Variants in ZNF821 observed in about 807,000 individuals in gnomAD.
ZNF821 encodes zinc finger protein 821.
ZNF821 carries 16 observed loss-of-function variants against 44.3 expected under a neutral mutation model. The observed-to-expected ratio is 0.36, with a 90% CI of 0.24 to 0.55. ZNF821 has a LOEUF of 0.55. Among genes scored for constraint, ZNF821 ranks in the 20% least tolerant of loss-of-function variants. The probability of loss-of-function intolerance (pLI) is 0.86; values close to 1 mark genes in which losing one functional copy is unlikely to be tolerated. For missense variants in ZNF821, 436 were observed against 547.6 expected (o/e 0.80, Z 2.03); for synonymous variants, 204 against 197.6 (o/e 1.03, Z -0.27).
chr16:71,861,877 G>A lies in ZNF821; in HGVS notation c.483C>T (p.Ser161=). The change falls in exon 7 of 8, where the codon TCC becomes TCT. Residue 161 remains serine, a synonymous_variant. Coordinates refer to ENST00000425432, the MANE Select transcript of ZNF821 (RefSeq NM_001201552.2). ...AGAGGTGGCGACCCAATGACCCCGGGGAGCTAAGGGCCCGGCCACAGACAG... is the reference window on the plus strand; with the variant it reads ...AGAGGTGGCGACCCAATGACCCCGGAGAGCTAAGGGCCCGGCCACAGACAG... ...MCPVCGRALS[S]PGSLGRHLLI... The A allele has an allele frequency of 6.2e-7, 1 of 1,614,164 alleles. No individual in the cohort carries two copies. Among genetic ancestry groups the A allele is most frequent in the Non-Finnish European group, 8.5e-7 (1 of 1,180,040 alleles).
intron 6 of ZNF821, among the ~76,000 whole-genome samples, chr16:71,863,300 A>G (rs547442414): frequency 6.6e-6 from 1 of 152,106 alleles, no homozygotes; most frequent in East Asian, 1.9e-4. Flanking sequence ...TAGAAAAAAA[A>G]TCACTTAATT....
At chr16:71,873,520 AG>A (rs2035455946) in intron 3 of ZNF821, among the ~76,000 whole-genome samples, 1 of 152,222 alleles carries the variant, frequency 6.6e-6, no homozygotes, top group African/African-American at 2.4e-5. Flanking sequence ...TTCTGAGGAA[AG>A]GATCATGCCA....
chr16:71,864,778 G>A, intron 5 of ZNF821, 125 bp downstream of exon 5: 1 of 1,183,264 alleles, frequency 8.5e-7, no homozygotes, highest in Non-Finnish European at 1.2e-6. Flanking sequence ...CATGAAGGAA[G>A]AGGCCTCCCA....
In ZNF821 at chr16:71,860,715, A is replaced by G; in HGVS notation, c.585-43T>C. 1 of 1,581,968 alleles carries G rather than the reference A, an allele frequency of 6.3e-7. No homozygotes were observed. On this transcript the variant is annotated intron_variant, in intron 7 of 7. Coordinates refer to ENST00000425432, the MANE Select transcript of ZNF821 (RefSeq NM_001201552.2). The surrounding 1 kb of genome is among the most constrained non-coding windows in gnomAD (Gnocchi z 7.3). ...TGGATGGTTAGTGTTTCCTTCTAGCAAGAGTCGGGACTCCAGCCCTGCCTT... is the reference window on the plus strand; with the variant it reads ...TGGATGGTTAGTGTTTCCTTCTAGCGAGAGTCGGGACTCCAGCCCTGCCTT...
chr16:71,888,208 A>G (rs754337578), upstream of ZNF821, among the ~76,000 whole-genome samples: 3 of 152,170 alleles, frequency 2.0e-5, no homozygotes, highest in Non-Finnish European at 4.4e-5. Context: ...TGGTATCCCA[A>G]ATAAAAATAA....
At chr16:71,872,127 G>A (rs140620859) in intron 3 of ZNF821, among the ~76,000 whole-genome samples, 1,618 of 151,340 alleles carry the variant, frequency 0.011, 26 homozygotes, top group African/African-American at 0.037. Flanking sequence ...CACTGCGCCC[G>A]GCCTGGTTAA....
chr16:71,861,408 C>G (rs1179278645), intron 7 of ZNF821, among the ~76,000 whole-genome samples: 1 of 152,208 alleles, frequency 6.6e-6, no homozygotes, highest in Non-Finnish European at 1.5e-5. Context: ...CTGCACTGTA[C>G]ACTAGACAAA....
At chr16:71,863,688 C>T (rs897168578) in intron 6 of ZNF821, among the ~76,000 whole-genome samples, 2 of 152,034 alleles carry the variant, frequency 1.3e-5, no homozygotes, top group Non-Finnish European at 2.9e-5. Context: ...CCACACCTGG[C>T]TTTGGGCTGA....
At chr16:71,864,328 A>G in intron 5 of ZNF821, 86 bp from the exon 6 acceptor site, 9 of 1,166,682 alleles carry the variant, frequency 7.7e-6, no homozygotes, top group Non-Finnish European at 1.2e-5. Flanking sequence ...ATCCTGTTAA[A>G]AGGAACCCAG....
intron 1 of ZNF821, among the ~76,000 whole-genome samples, chr16:71,892,725 C>T (rs954806538): frequency 6.8e-6 from 1 of 147,962 alleles, no homozygotes; most frequent in Non-Finnish European, 1.5e-5. Context: ...GCACGAGCCA[C>T]AAACCAGGCT....
chr16:71,860,837 C>T lies in ZNF821; in HGVS notation c.585-165G>A, dbSNP rs1199192213. 2.7e-5 allele frequency among the ~76,000 whole-genome samples: 4 copies of T among 148,892 alleles called. No individual in the cohort carries two copies. Among genetic ancestry groups the T allele is most frequent in the African/African-American group, 9.8e-5 (4 of 40,862 alleles). On this transcript the variant is annotated intron_variant, in intron 7 of 7. Transcript: ENST00000425432. The surrounding 1 kb of genome is among the most constrained non-coding windows in gnomAD (Gnocchi z 7.3). ...TCTGCTGCTCCATCCCTTCTCTTCG[C>T]GTGAGAGTTGTCTACCAACTTTTTT... is the stretch of plus-strand genomic sequence containing the variant.
chr16:71,880,121 A>G, intron 2 of ZNF821, 98 bp from the exon 3 acceptor site: 1 of 520,990 alleles, frequency 1.9e-6, no homozygotes, highest in East Asian at 3.1e-5. Flanking sequence ...TCCTGAGCAT[A>G]TAAAACTCAC....
chr16:71,874,580 A>G (rs1368612862), intron 3 of ZNF821, among the ~76,000 whole-genome samples: 2 of 151,928 alleles, frequency 1.3e-5, no homozygotes, highest in Non-Finnish European at 2.9e-5. Context: ...CAGCCCCCCA[A>G]GTAGCTAGGA....
Position 71,883,193 on chromosome 16 carries a change from AAG to A in ZNF821, c.-78+16_-78+17del, listed in dbSNP as rs764871123. On this transcript the variant is annotated intron_variant, in intron 2 of 7. Coordinates refer to ENST00000425432, the MANE Select transcript of ZNF821 (RefSeq NM_001201552.2). Reference sequence around the variant, plus strand: ...ACGAGTGAAATCTCAGCTTGATGAAAAGAGAGTGCGTTCCCACCTCCAGCTCT... The same window carrying A: ...ACGAGTGAAATCTCAGCTTGATGAAAAGAGTGCGTTCCCACCTCCAGCTCT... The A allele has an allele frequency of 2.0e-5, 9 of 456,364 alleles. No individual in the cohort carries two copies. The highest frequency in any genetic ancestry group is 1.8e-4 in the African/African-American group (9 of 50,062). The allele number at this position is 456,364 out of a possible 1,614,324, so 28.3% of individuals were successfully genotyped here.
At chr16:71,894,802 T>C (rs571676352) in intron 1 of ZNF821, 55 of 1,526,124 alleles carry the variant, frequency 3.6e-5, no homozygotes, top group Admixed American at 7.9e-5. Context: ...CTCAAAGTGC[T>C]GGGAAGGTCC....
At chr16:71,871,170 G>C (rs1206306554) in intron 3 of ZNF821, among the ~76,000 whole-genome samples, 1 of 152,152 alleles carries the variant, frequency 6.6e-6, no homozygotes, top group Admixed American at 6.5e-5. Flanking sequence ...AACACAACTT[G>C]CCTATCTAGG....
intron 2 of ZNF821, among the ~76,000 whole-genome samples, chr16:71,880,999 T>C (rs1054672898): frequency 3.9e-5 from 6 of 152,196 alleles, no homozygotes; most frequent in Non-Finnish European, 2.9e-5. Context: ...TGGATTAGTA[T>C]TGATAGCTGT....
intron 7 of ZNF821, 132 bp downstream of exon 7, chr16:71,861,644 A>T (rs573630731): frequency 2.9e-6 from 3 of 1,017,214 alleles, no homozygotes; most frequent in Admixed American, 4.7e-5. Context: ...TAGCCTTCTT[A>T]CTTGTACTTC....
intron 1 of ZNF821, among the ~76,000 whole-genome samples, chr16:71,892,323 G>A (rs1185273493): frequency 1.3e-5 from 2 of 150,042 alleles, no homozygotes; most frequent in East Asian, 2.0e-4. Context: ...CTGGAGGGCA[G>A]GGGCGCGATC....
Sources: gnomAD v4.1 joint callset for allele counts (sites outside exome capture counted in the v4.1 genomes callset) on GRCh38, gnomAD v4.1.1 for gene constraint, Gnocchi (gnomAD v3.1) non-coding constraint, MANE v1.5 for transcripts, NCBI Gene and HGNC (gene_info 2026-07-23, HGNC 2026-07-21) for gene names.